The following CCT7 variants were observed in gnomAD, a reference collection of about 807,000 sequenced individuals.
CCT7 encodes T-complex protein 1 subunit eta.
CCT7 carries 16 observed loss-of-function variants against 56.6 expected under a neutral mutation model. The ratio of observed to expected loss-of-function variants is 0.28; its 90% CI spans 0.19 to 0.43. The LOEUF (loss-of-function observed/expected upper bound fraction) is 0.43, where lower values mean the gene tolerates loss of function less well. Among genes scored for constraint, CCT7 ranks in the 20% least tolerant of loss-of-function variants. The pLI is 1.00. For missense variants in CCT7, 519 were observed against 685.6 expected (o/e 0.76, Z 2.71); for synonymous variants, 262 against 254.8 (o/e 1.03, Z -0.27).
rs1359704625 is a variant in CCT7 at position 73,234,344 on chromosome 2, G to A, written c.-35G>A. 5 of 1,613,772 alleles carry A rather than the reference G, an allele frequency of 3.1e-6. No homozygotes were observed. Among genetic ancestry groups the A allele is most frequent in the South Asian group, 2.2e-5 (2 of 91,082 alleles). ...CTGGGCGGCCCGGTCTCGGAGAAGA[G>A]GGGAGAGTGGCGGGCCGCTGAATAA... On this transcript the variant is annotated 5_prime_UTR_variant, in exon 1 of 12. Transcript: ENST00000258091.
chr2:73,251,333 A>T lies in CCT7; in HGVS notation c.1311A>T (p.Ala437=), dbSNP rs7851. 482,478 of 1,613,956 alleles carry T rather than the reference A, an allele frequency of 0.3. 74,082 individuals carry two copies. The highest frequency in any genetic ancestry group is 0.35 in the East Asian group (15,702 of 44,856). Residue 437 remains alanine, a synonymous_variant, in exon 11 of 12, where the codon GCA becomes GCT. Coordinates refer to ENST00000258091, the MANE Select transcript of CCT7 (RefSeq NM_006429.4). ...GAAAACAGCAGCTGTTGATTGGGGC[A>T]TATGCCAAGGCCTTGGAGATTATCC... ...IPGKQQLLIG[A]YAKALEIIPR...
intron 1 of CCT7, among the ~76,000 whole-genome samples, chr2:73,238,561 G>A (rs1354103225): frequency 6.6e-6 from 1 of 152,222 alleles, no homozygotes; most frequent in East Asian, 1.9e-4. Flanking sequence ...CTAGGTGATG[G>A]CTTTCAAACT....
rs1027174516 is a variant in CCT7, at chr2:73,239,534, A to G, written c.7-109A>G. On this transcript the variant is annotated intron_variant, in intron 1 of 11. Coordinates refer to ENST00000258091, the MANE Select transcript of CCT7 (RefSeq NM_006429.4). ...AGTTGGGGGAATGTGGTTTAAGAAG[A>G]CCTCTAGATAATTCTGTTAAGGGAG... 3.1e-6 allele frequency: 3 copies of G among 958,494 alleles called. No homozygotes were observed. The African/African-American group carries it at 5.0e-5, about 16-fold the overall frequency. 59.4% of individuals were successfully genotyped at this position (958,494 alleles called of 1,614,324 possible). A position where few individuals can be genotyped will look rare whatever the true frequency, so the allele number is the denominator to read the frequency against.
rs746400992 is a variant in CCT7, at chr2:73,249,058, C to T, written c.851C>T (p.Ser284Phe). 3 of 1,614,144 alleles carry T rather than the reference C, an allele frequency of 1.9e-6. No homozygotes were observed. The South Asian group carries it at 3.3e-5, about 18-fold the overall frequency. ...LYDKLEKIHHSGAKVVLSKLP... is the reference protein window; with the variant it reads ...LYDKLEKIHHFGAKVVLSKLP... ...GACAAGTTAGAGAAGATCCATCATT[C>T]TGGAGCCAAAGTTGTCTTGTCCAAA... The change falls in exon 8 of 12, where the codon TCT (serine) becomes TTT (phenylalanine). Residue 284 changes from serine (S) to phenylalanine (F), a missense_variant. By Grantham distance (155) the Ser-to-Phe change is radical. Transcript: ENST00000258091.
rs1687645928 is a variant in CCT7 at position 73,252,649 on chromosome 2, T to C, written c.1420T>C (p.Trp474Arg). The change falls in exon 12 of 12, where the codon TGG (tryptophan) becomes CGG (arginine). Residue 474 changes from tryptophan (W) to arginine (R), a missense_variant. Around this residue, in one of 3 missense-constraint regions of CCT7, gnomAD observed 237 missense variants for 300.8 expected, o/e 0.79. Coordinates refer to ENST00000258091, the MANE Select transcript of CCT7 (RefSeq NM_006429.4). The part of the protein sequence containing the change: ...LRARHAQGGT[W>R]YGVDINNEDI... Reference sequence around the variant, plus strand: ...TTTCCTACTCTTTTAGGGGGGTACATGGTATGGAGTAGACATCAACAACGA... The same window carrying C: ...TTTCCTACTCTTTTAGGGGGGTACACGGTATGGAGTAGACATCAACAACGA... The C allele has an allele frequency of 1.2e-6, 2 of 1,613,016 alleles. No individual in the cohort carries two copies. The highest frequency in any genetic ancestry group is 1.7e-6 in the Non-Finnish European group (2 of 1,179,048).
At chr2:73,235,184 A>G (rs1470856434) in intron 1 of CCT7, among the ~76,000 whole-genome samples, 1 of 152,108 alleles carries the variant, frequency 6.6e-6, no homozygotes, top group African/African-American at 2.4e-5. Context: ...GGAGCCACCT[A>G]AAGTGCTCCT....
intron 1 of CCT7, chr2:73,239,069 C>G (rs1379870958): frequency 6.6e-6 from 1 of 152,312 alleles, no homozygotes; most frequent in Non-Finnish European, 1.5e-5. Context: ...TTTTTCAAAA[C>G]AGGGCAAAGG....
chr2:73,239,840 C>T, intron 2 of CCT7, 44 bp downstream of exon 2: 2 of 1,578,668 alleles, frequency 1.3e-6, no homozygotes, highest in African/African-American at 2.7e-5. Flanking sequence ...GGAAAGGAGG[C>T]TCCTGAGGGG....
chr2:73,250,444 G>A lies in CCT7; in HGVS notation c.1203+6G>A, dbSNP rs777569401. On this transcript the variant is annotated splice_donor_region_variant and intron_variant, in intron 10 of 11. Coordinates refer to ENST00000258091, the MANE Select transcript of CCT7 (RefSeq NM_006429.4). ...TCGTCAGGAGGGCCATCAAGGTACTGGGCTGATATCCTCCTGCTTGCACAG... is the reference window on the plus strand; with the variant it reads ...TCGTCAGGAGGGCCATCAAGGTACTAGGCTGATATCCTCCTGCTTGCACAG... 11 of 1,613,524 alleles carry A rather than the reference G, an allele frequency of 6.8e-6. No homozygotes were observed. The highest frequency in any genetic ancestry group is 9.3e-6 in the Non-Finnish European group (11 of 1,179,966).
chr2:73,240,617 A>C, intron 3 of CCT7, 74 bp downstream of exon 3: 1 of 790,866 alleles, frequency 1.3e-6, no homozygotes, highest in Non-Finnish European at 1.9e-6. Context: ...CCTCTATTAA[A>C]TTTTTTTAAG....
chr2:73,246,887 G>A (rs1687364157), intron 6 of CCT7, among the ~76,000 whole-genome samples: 1 of 152,176 alleles, frequency 6.6e-6, no homozygotes, highest in African/African-American at 2.4e-5. Context: ...TTCACCCATG[G>A]GTTACAGTAT....
At chr2:73,252,295 T>G (rs1255100316) in intron 11 of CCT7, among the ~76,000 whole-genome samples, 1 of 149,616 alleles carries the variant, frequency 6.7e-6, no homozygotes, top group Non-Finnish European at 1.5e-5. Flanking sequence ...ATTTTTGTTA[T>G]TCCTGTTTAT....
chr2:73,245,522 A>G (rs1290364224), intron 6 of CCT7, among the ~76,000 whole-genome samples: 1 of 152,234 alleles, frequency 6.6e-6, no homozygotes, highest in Non-Finnish European at 1.5e-5. Context: ...TTAAATGGCA[A>G]CATGTAGCTA....
intron 4 of CCT7, 82 bp downstream of exon 4, chr2:73,243,211 G>A (rs1687191075): frequency 6.6e-7 from 1 of 1,510,202 alleles, no homozygotes; most frequent in Non-Finnish European, 9.1e-7. Flanking sequence ...TTTCAGGAGT[G>A]TGGAGGGACT....
Position 73,244,574 on chromosome 2 carries a change from C to T in CCT7, c.477C>T (p.Ala159=), listed in dbSNP as rs1687254892. 2.5e-6 allele frequency: 4 copies of T among 1,613,344 alleles called. No homozygotes were observed. The highest frequency in any genetic ancestry group is 1.1e-5 in the South Asian group (1 of 91,008). The change falls in exon 6 of 12, where the codon GCC becomes GCT. Residue 159 remains alanine, a synonymous_variant. Coordinates refer to ENST00000258091, the MANE Select transcript of CCT7 (RefSeq NM_006429.4). ...AGAGGAAGCTGCTGGAAAAGTGTGCCATGACCGCTCTGAGCTCCAAGCTGA... is the reference window on the plus strand; with the variant it reads ...AGAGGAAGCTGCTGGAAAAGTGTGCTATGACCGCTCTGAGCTCCAAGCTGA... ...VEQRKLLEKC[A]MTALSSKLIS...
chr2:73,243,261 A>G, intron 4 of CCT7, 132 bp downstream of exon 4: 2 of 909,100 alleles, frequency 2.2e-6, no homozygotes, highest in East Asian at 2.4e-5. Flanking sequence ...ACATCTCCTT[A>G]GTAATCTCAG....
chr2:73,240,368 G>A, intron 2 of CCT7, 69 bp from the exon 3 acceptor site: 2 of 1,100,626 alleles, frequency 1.8e-6, no homozygotes, highest in Non-Finnish European at 2.7e-6. Flanking sequence ...AAGTGTAGAT[G>A]GGTTCTAGGT....
Position 73,244,720 on chromosome 2 carries a change from G to T in CCT7, c.618+5G>T, listed in dbSNP as rs773855091. 3 of 1,604,060 alleles carry T rather than the reference G, an allele frequency of 1.9e-6. No homozygotes were observed. Among genetic ancestry groups the T allele is most frequent in the Admixed American group, 3.4e-5 (2 of 59,370 alleles). ...GTACAGGGTGGAGCCCTCGAGGTAA[G>T]CCTGCTGTGGCCTTCCTAGACAGCT... On this transcript the variant is annotated splice_donor_5th_base_variant and intron_variant, in intron 6 of 11. Coordinates refer to ENST00000258091, the MANE Select transcript of CCT7 (RefSeq NM_006429.4).
chr2:73,250,410 C>A lies in CCT7; in HGVS notation c.1175C>A (p.Ala392Asp), dbSNP rs1324751752. Reference sequence around the variant, plus strand: ...GAGACAGAGCGGTCCCTGCATGATGCCATCATGATCGTCAGGAGGGCCATC... The same window carrying A: ...GAGACAGAGCGGTCCCTGCATGATGACATCATGATCGTCAGGAGGGCCATC... ...MEETERSLHD[A>D]IMIVRRAIKN... Residue 392 changes from alanine (A) to aspartate (D), a missense_variant, in exon 10 of 12, where the codon GCC (alanine) becomes GAC (aspartate). Around this residue, in one of 3 missense-constraint regions of CCT7, gnomAD observed 237 missense variants for 300.8 expected, o/e 0.79. Coordinates refer to ENST00000258091, the MANE Select transcript of CCT7 (RefSeq NM_006429.4). 1 of 1,614,004 alleles carries A rather than the reference C, an allele frequency of 6.2e-7. No homozygotes were observed. The highest frequency in any genetic ancestry group is 1.1e-5 in the South Asian group (1 of 91,078).
Sources: allele counts gnomAD v4.1 joint callset (sites outside exome capture counted in the v4.1 genomes callset), GRCh38; gene constraint gnomAD v4.1.1; regional missense constraint gnomAD v4.1.1; transcripts MANE v1.5; gene names NCBI Gene and HGNC (gene_info 2026-07-23, HGNC 2026-07-21).